Variants in PLEKHH2 observed in about 807,000 individuals in gnomAD.
The protein encoded by PLEKHH2 is pleckstrin homology domain-containing family H member 2.
Under a neutral mutation model 187.9 loss-of-function variants are expected in PLEKHH2, and 129 were observed. That is an observed-to-expected ratio of 0.69 (90% CI 0.59 to 0.79). The LOEUF (loss-of-function observed/expected upper bound fraction) is 0.79, where lower values mean the gene tolerates loss of function less well. PLEKHH2 is among the 30% of genes least tolerant of loss of function. PLEKHH2 has a pLI of 0.00. For synonymous variants in PLEKHH2, 686 were observed against 605.6 expected (o/e 1.13, Z -1.95); for missense variants, 2,076 against 1,751.2 (o/e 1.19, Z -3.31).
chr2:43,710,108 C>T lies in PLEKHH2; in HGVS notation c.2085C>T (p.Ser695=), dbSNP rs749271407. The change falls in exon 12 of 30, where the codon TCC becomes TCT. Residue 695 remains serine, a synonymous_variant. Transcript: ENST00000282406. The part of the protein sequence containing the change: ...EQKLPKTCSS[S]SDNGKNEPLE... ...AGCTCCCAAAAACTTGCTCATCTTC[C>T]AGTGATAATGGGAAAAATGTAAATA... is the stretch of plus-strand genomic sequence containing the variant. 5.0e-6 allele frequency: 8 copies of T among 1,612,996 alleles called. No homozygotes were observed. In the South Asian group the frequency reaches 8.8e-5, roughly 18 times the overall value.
Position 43,742,897 on chromosome 2 carries a change from C to A in PLEKHH2, c.3378C>A (p.His1126Gln). ...CTTTGCCCTTTAGTATACCTGTGCA[C>A]TTCATGAATGGGATATACCAGGTAG... Reference protein sequence around the residue: ...HHSLPFSIPVHFMNGIYQVVG... With the variant: ...HHSLPFSIPVQFMNGIYQVVG... Residue 1126 changes from histidine (H) to glutamine (Q), a missense_variant, in exon 22 of 30, where the codon CAC becomes CAA. His to Gln is a conservative substitution (Grantham distance 24, BLOSUM62 0). Transcript: ENST00000282406. The A allele has an allele frequency of 6.3e-7, 1 of 1,577,152 alleles. No homozygotes were observed. Among genetic ancestry groups the A allele is most frequent in the Non-Finnish European group, 8.6e-7 (1 of 1,165,394 alleles).
At chr2:43,748,821 A>G (rs1305210255) in intron 24 of PLEKHH2, among the ~76,000 whole-genome samples, 2 of 151,556 alleles carry the variant, frequency 1.3e-5, no homozygotes, top group African/African-American at 4.9e-5. Flanking sequence ...CAATGGCACG[A>G]TCTCAGCTTA....
intron 28 of PLEKHH2, 24 bp downstream of exon 28, chr2:43,762,414 G>A (rs758514519): frequency 1.3e-6 from 2 of 1,538,640 alleles, no homozygotes; most frequent in South Asian, 1.1e-5. Context: ...CTCAAGTTTT[G>A]CATTAAGTCA....
intron 1 of PLEKHH2, among the ~76,000 whole-genome samples, chr2:43,639,394 G>A (rs1236518414): frequency 3.3e-5 from 5 of 152,044 alleles, no homozygotes; most frequent in Admixed American, 3.3e-4. Context: ...ACCCCAAAAA[G>A]AAACCCCCTA....
Position 43,744,571 on chromosome 2 carries a change from AG to A in PLEKHH2, c.3555+584del, listed in dbSNP as rs1252334399. 8.5e-5 allele frequency among the ~76,000 whole-genome samples: 13 copies of A among 152,326 alleles called. No individual in the cohort carries two copies. The East Asian group carries it at 2.5e-3, about 29-fold the overall frequency. Reference sequence around the variant, plus strand: ...CTGAGCTGGAAATGAAAAATGGTTTAGGAAACAGACCTGTGTCCGGGTGCAG... The same window carrying A: ...CTGAGCTGGAAATGAAAAATGGTTTAGAAACAGACCTGTGTCCGGGTGCAG... On this transcript the variant is annotated intron_variant, in intron 23 of 29. Coordinates refer to ENST00000282406, the MANE Select transcript of PLEKHH2 (RefSeq NM_172069.4).
chr2:43,670,857 T>C (rs1415589982), intron 2 of PLEKHH2, among the ~76,000 whole-genome samples: 1 of 152,214 alleles, frequency 6.6e-6, no homozygotes, highest in Non-Finnish European at 1.5e-5. Flanking sequence ...TATATTGTGA[T>C]TTTCAGCATA....
chr2:43,766,626 G>T lies in PLEKHH2; in HGVS notation c.*1028G>T, dbSNP rs1672631269. The T allele has an allele frequency of 6.6e-6, 1 of 152,068 alleles. No individual in the cohort carries two copies. The allele number at this position is 152,068 out of a possible 1,614,324, so 9.4% of individuals were successfully genotyped here. A position where few individuals can be genotyped will look rare whatever the true frequency, so the allele number is the denominator to read the frequency against. The stretch of plus-strand genomic sequence containing the variant: ...TTTTATTTTATTTTTTTGAGGCAGG[G>T]TCTCACTCTGGTTGCCCAGGCTGGA... On this transcript the variant is annotated 3_prime_UTR_variant, in exon 30 of 30. Transcript: ENST00000282406.
chr2:43,741,335 A>G (rs574404753), intron 21 of PLEKHH2: 1 of 193,802 alleles, frequency 5.2e-6, no homozygotes, highest in East Asian at 1.3e-4. Flanking sequence ...GTGGGTGTTC[A>G]TTCAATAAAA....
chr2:43,744,981 T>C (rs912843875), intron 23 of PLEKHH2, among the ~76,000 whole-genome samples: 1 of 149,154 alleles, frequency 6.7e-6, no homozygotes, highest in African/African-American at 2.5e-5. Context: ...CATAGTAAAA[T>C]AACTTTAATA....
intron 2 of PLEKHH2, among the ~76,000 whole-genome samples, chr2:43,645,975 T>A (rs1666165346): frequency 6.6e-6 from 1 of 152,136 alleles, no homozygotes; most frequent in African/African-American, 2.4e-5. Flanking sequence ...AGTACAGAAT[T>A]ATTATAATAA....
At chr2:43,693,682 C>CCACTG (rs571714352) in intron 4 of PLEKHH2, among the ~76,000 whole-genome samples, 1 of 138,424 alleles carries the variant, frequency 7.2e-6, no homozygotes, top group African/African-American at 2.8e-5. Flanking sequence ...CGAGATTGCA[C>CCACTG]CACTGCACTC....
At chr2:43,710,394 G>C (rs1294563623) in intron 13 of PLEKHH2, 64 bp downstream of exon 13, 3 of 1,580,750 alleles carry the variant, frequency 1.9e-6, no homozygotes, top group Non-Finnish European at 2.6e-6. Context: ...ACGCCTGATT[G>C]ATTTCCTTCC....
At chr2:43,746,856 G>C (rs1013566353) in intron 24 of PLEKHH2, among the ~76,000 whole-genome samples, 1 of 151,912 alleles carries the variant, frequency 6.6e-6, no homozygotes, top group African/African-American at 2.4e-5. Flanking sequence ...TGTAGTCCCA[G>C]CTACTTGGGA....
intron 19 of PLEKHH2, among the ~76,000 whole-genome samples, chr2:43,736,420 A>G (rs1671297082): frequency 6.6e-6 from 1 of 152,152 alleles, no homozygotes; most frequent in Non-Finnish European, 1.5e-5. Flanking sequence ...TGATTGCTGC[A>G]GCTTACTGTC....
chr2:43,640,565 G>A (rs1665854000), intron 1 of PLEKHH2, among the ~76,000 whole-genome samples: 1 of 152,086 alleles, frequency 6.6e-6, no homozygotes, highest in African/African-American at 2.4e-5. Flanking sequence ...CACCAACAAT[G>A]TATGAGGGTT....
At chr2:43,679,402 A>G in intron 3 of PLEKHH2, 1 of 205,108 alleles carries the variant, frequency 4.9e-6, no homozygotes, top group Non-Finnish European at 9.1e-6. Context: ...GTCAAACCTA[A>G]GAGTTAAAAA....
Position 43,710,276 on chromosome 2 carries a change from G to C in PLEKHH2, c.2160G>C (p.Trp720Cys). 5 of 1,614,140 alleles carry C rather than the reference G, an allele frequency of 3.1e-6. No individual in the cohort carries two copies. The highest frequency in any genetic ancestry group is 4.2e-6 in the Non-Finnish European group (5 of 1,180,026). ...AAATGAGTGGTAAAGTCAAGTCTTG[G>C]AAGCGGCGGTGGTTTGTTCTTAAAG... ...LLKMSGKVKSWKRRWFVLKGG... is the reference protein window; with the variant it reads ...LLKMSGKVKSCKRRWFVLKGG... Residue 720 changes from tryptophan (W) to cysteine (C), a missense_variant, in exon 13 of 30, where the codon TGG becomes TGC. By Grantham distance (215) the Trp-to-Cys change is radical. Coordinates refer to ENST00000282406, the MANE Select transcript of PLEKHH2 (RefSeq NM_172069.4).
At chr2:43,702,255 A>C (rs1223139793) in intron 8 of PLEKHH2, among the ~76,000 whole-genome samples, 1 of 152,196 alleles carries the variant, frequency 6.6e-6, no homozygotes, top group Non-Finnish European at 1.5e-5. Flanking sequence ...ATGTTTTTCT[A>C]ATATAAATTC....
At chr2:43,757,574 A>G (rs1434559892) in intron 26 of PLEKHH2, among the ~76,000 whole-genome samples, 7 of 151,836 alleles carry the variant, frequency 4.6e-5, no homozygotes, top group Non-Finnish European at 1.0e-4. Context: ...GCCCGCCACC[A>G]CACCCAGCTA....
Sources: gnomAD v4.1 joint callset for allele counts (sites outside exome capture counted in the v4.1 genomes callset) on GRCh38, gnomAD v4.1.1 for gene constraint, MANE v1.5 for transcripts, NCBI Gene and HGNC (gene_info 2026-07-23, HGNC 2026-07-21) for gene names.